Variants in PKHD1 observed in about 807,000 individuals in gnomAD.
PKHD1 encodes the protein fibrocystin.
In PKHD1, 291 loss-of-function variants were observed where a neutral mutation model predicts 412.0. That is an observed-to-expected ratio of 0.71 (90% CI 0.64 to 0.78). The LOEUF (loss-of-function observed/expected upper bound fraction) is 0.78, where lower values mean the gene tolerates loss of function less well. Ranked by LOEUF, PKHD1 falls within the 30% of genes least tolerant of loss-of-function variation. PKHD1 has a pLI of 0.00. For synonymous variants in PKHD1, 1,777 were observed against 1,821.5 expected (o/e 0.98, Z 0.62); for missense variants, 4,825 against 4,950.7 (o/e 0.97, Z 0.76).
At chr6:51,639,228 T>C (rs1769009527) in intron 63 of PKHD1, among the ~76,000 whole-genome samples, 1 of 152,094 alleles carries the variant, frequency 6.6e-6, no homozygotes, top group Non-Finnish European at 1.5e-5. Flanking sequence ...CCCTATAAAA[T>C]ACGCTATTAT....
At chr6:51,692,886 T>C (rs1778348797) in intron 60 of PKHD1, among the ~76,000 whole-genome samples, 1 of 152,212 alleles carries the variant, frequency 6.6e-6, no homozygotes, top group African/African-American at 2.4e-5. Context: ...ATTAGAGGCC[T>C]TTATTTTCTG....
At chr6:51,894,654 A>G (rs926462630) in intron 43 of PKHD1, among the ~76,000 whole-genome samples, 1 of 152,184 alleles carries the variant, frequency 6.6e-6, no homozygotes, top group African/African-American at 2.4e-5. Context: ...CTGCCTACCT[A>G]CCTTCCAGGT....
At chr6:52,019,343 A>G (rs1801058985) in intron 33 of PKHD1, among the ~76,000 whole-genome samples, 1 of 152,218 alleles carries the variant, frequency 6.6e-6, no homozygotes, top group Non-Finnish European at 1.5e-5. Flanking sequence ...AATCATGCCC[A>G]AATAGTACTA....
chr6:51,841,923 C>T (rs1770279568), intron 50 of PKHD1, among the ~76,000 whole-genome samples: 2 of 152,234 alleles, frequency 1.3e-5, no homozygotes, highest in Non-Finnish European at 2.9e-5. Context: ...GGAGCCTAGG[C>T]TCCAACCCAG....
intron 37 of PKHD1, among the ~76,000 whole-genome samples, chr6:51,923,434 T>C (rs1785016975): frequency 6.7e-6 from 1 of 150,066 alleles, no homozygotes; most frequent in East Asian, 2.0e-4. Context: ...ATTTTGTGTA[T>C]AAAAGCAAGG....
intron 35 of PKHD1, among the ~76,000 whole-genome samples, chr6:51,967,197 C>T (rs1191375574): frequency 6.6e-6 from 1 of 152,106 alleles, no homozygotes; most frequent in Non-Finnish European, 1.5e-5. Flanking sequence ...CAGCAAACTA[C>T]AGTCCACAAC....
Position 51,747,997 on chromosome 6 carries a change from C to A in PKHD1, c.9619G>T (p.Ala3207Ser). Residue 3207 changes from alanine (A) to serine (S), a missense_variant, in exon 58 of 67, where the codon GCC (alanine) becomes TCC (serine). Physicochemically the swap from Ala to Ser is moderately conservative, Grantham distance 99. Coordinates refer to ENST00000371117, the MANE Select transcript of PKHD1 (RefSeq NM_138694.4). ...ATGCAGTCAAAAGAAGAGCTGGTGGCCACAATGACTGAATTCCTAAGCACA... is the reference window on the plus strand; with the variant it reads ...ATGCAGTCAAAAGAAGAGCTGGTGGACACAATGACTGAATTCCTAAGCACA... ...QIVLRNSVIV[A>S]TSSSFDCIQD... is the part of the protein sequence containing the mutation. The A allele has an allele frequency of 3.1e-6, 5 of 1,614,012 alleles. No individual in the cohort carries two copies. The highest frequency in any genetic ancestry group is 1.7e-6 in the Non-Finnish European group (2 of 1,179,946).
rs149522482 is a variant in PKHD1, at chr6:52,071,021, C to T, written c.652G>A (p.Glu218Lys). 5.4e-4 allele frequency: 867 copies of T among 1,601,554 alleles called. 2 individuals are homozygous for T. Among genetic ancestry groups the T allele is most frequent in the African/African-American group, 4.9e-3 (367 of 74,682 alleles). Reference protein sequence around the residue: ...HGLGTLQCHVEGDYIGSQNVS... With the variant: ...HGLGTLQCHVKGDYIGSQNVS... ...TCTAACAGACCGATGTAGTCGCCTT[C>T]CACATGGCACTGCAGAGTCCCAAGA... The change falls in exon 9 of 67, where the codon GAA (glutamate) becomes AAA (lysine). Residue 218 changes from glutamate (E) to lysine (K), a missense_variant. Coordinates refer to ENST00000371117, the MANE Select transcript of PKHD1 (RefSeq NM_138694.4).
rs560956162 is a variant in PKHD1 at position 51,748,131 on chromosome 6, T to C, written c.9485A>G (p.Glu3162Gly). The C allele has an allele frequency of 4.3e-6, 7 of 1,614,082 alleles. No individual in the cohort carries two copies. In the African/African-American group the frequency reaches 6.7e-5, roughly 15 times the overall value. ...AATGTTCTCTATCTCCACGCTGTTCTCTACATGTAACATGGCACCATAGTC... is the reference window on the plus strand; with the variant it reads ...AATGTTCTCTATCTCCACGCTGTTCCCTACATGTAACATGGCACCATAGTC... ...NFDYGAMLHV[E>G]NSVEIENITL... Residue 3162 changes from glutamate (E) to glycine (G), a missense_variant, in exon 58 of 67, where the codon GAG (glutamate) becomes GGG (glycine). Coordinates refer to ENST00000371117, the MANE Select transcript of PKHD1 (RefSeq NM_138694.4).
rs1772497593 is a variant in PKHD1 at position 51,659,652 on chromosome 6, A to T, written c.10474T>A (p.Ser3492Thr). The change falls in exon 61 of 67, where the codon TCC becomes ACC. Residue 3492 changes from serine to threonine, a missense_variant. Physicochemically the swap from Ser to Thr is moderately conservative, Grantham distance 58. Coordinates refer to ENST00000371117, the MANE Select transcript of PKHD1 (RefSeq NM_138694.4). ...TAGAATACAGCCAAGAGAAGCTTGG[A>T]GGTACTTTTGTTCCCCAATAGAAAA... ...RFFLLGNKSTSKLLLAVFYHE... is the reference protein window; with the variant it reads ...RFFLLGNKSTTKLLLAVFYHE... 1 of 1,613,654 alleles carries T rather than the reference A, an allele frequency of 6.2e-7. No individual in the cohort carries two copies. The highest frequency in any genetic ancestry group is 1.1e-5 in the South Asian group (1 of 91,082).
At chr6:52,018,992 C>T (rs1169561467) in intron 33 of PKHD1, among the ~76,000 whole-genome samples, 3 of 152,040 alleles carry the variant, frequency 2.0e-5, no homozygotes, top group Non-Finnish European at 4.4e-5. Context: ...AGATAAAAAG[C>T]AAGTATTTGA....
chr6:51,777,266 C>T (rs150057762), intron 53 of PKHD1, among the ~76,000 whole-genome samples: 1 of 152,200 alleles, frequency 6.6e-6, no homozygotes, highest in Admixed American at 6.6e-5. Flanking sequence ...ACCTGGATAG[C>T]CAAAAGGCAC....
Position 51,636,415 on chromosome 6 carries a change from C to T in PKHD1, c.11506+2434G>A, listed in dbSNP as rs148838443. On this transcript the variant is annotated intron_variant, in intron 64 of 66. Transcript: ENST00000371117. ...AATAAACCAACTGGGTGTGGTGGCA[C>T]ACACGTCTGTAGTCCCAGCTACTTT... is the stretch of plus-strand genomic sequence containing the variant. 4.7e-3 allele frequency among the ~76,000 whole-genome samples: 720 copies of T among 152,126 alleles called. 4 individuals carry two copies. Among genetic ancestry groups the T allele is most frequent in the African/African-American group, 0.017 (685 of 41,502 alleles).
chr6:51,675,128 G>A (rs947421307), intron 60 of PKHD1, among the ~76,000 whole-genome samples: 4 of 152,046 alleles, frequency 2.6e-5, no homozygotes, highest in Non-Finnish European at 5.9e-5. Flanking sequence ...CGTAAGCAGG[G>A]TTCCAGAGCC....
rs959762017 is a variant in PKHD1, at chr6:51,617,804, A to G, written c.*1277T>C. On this transcript the variant is annotated 3_prime_UTR_variant, in exon 67 of 67. Transcript: ENST00000371117. Reference sequence around the variant, plus strand: ...TTCAGGGCATCATTATTTAGAATTCAGCAATGAAAGAGTGTGTTTCCTTTC... The same window carrying G: ...TTCAGGGCATCATTATTTAGAATTCGGCAATGAAAGAGTGTGTTTCCTTTC... 2 of 152,216 alleles carry G rather than the reference A, an allele frequency of 1.3e-5. No homozygotes were observed. Among genetic ancestry groups the G allele is most frequent in the Non-Finnish European group, 2.9e-5 (2 of 68,036 alleles). 9.4% of individuals were successfully genotyped at this position (152,216 alleles called of 1,614,324 possible).
At chr6:51,987,333 AAC>A (rs1796343726) in intron 35 of PKHD1, among the ~76,000 whole-genome samples, 4 of 152,334 alleles carry the variant, frequency 2.6e-5, no homozygotes, top group African/African-American at 7.2e-5. Flanking sequence ...AATAATGATA[AAC>A]ACTGAATGAG....
chr6:51,848,040 C>G (rs1771523963), intron 49 of PKHD1, 70 bp from the exon 50 acceptor site: 6 of 1,014,524 alleles, frequency 5.9e-6, no homozygotes, highest in Non-Finnish European at 9.4e-6. Context: ...TACTCCACCA[C>G]ACCACCCTGC....
intron 49 of PKHD1, among the ~76,000 whole-genome samples, chr6:51,852,046 C>T (rs933762863): frequency 1.3e-5 from 2 of 152,114 alleles, no homozygotes; most frequent in East Asian, 3.9e-4. Flanking sequence ...GCATTTAGTG[C>T]TATAAATTTC....
In PKHD1 at chr6:52,043,620, C is replaced by A; in HGVS notation, c.2821+5G>T. ...CCCATCTCAGAGCCAAGTGACAAAT[C>A]ATACCAATGGAGTACCACACAGAAT... On this transcript the variant is annotated splice_donor_5th_base_variant and intron_variant, in intron 26 of 66. Transcript: ENST00000371117. The A allele has an allele frequency of 1.3e-6, 2 of 1,598,014 alleles. No individual in the cohort carries two copies. Among genetic ancestry groups the A allele is most frequent in the South Asian group, 2.2e-5 (2 of 90,726 alleles).
Sources: allele counts gnomAD v4.1 joint callset (sites outside exome capture counted in the v4.1 genomes callset), GRCh38; gene constraint gnomAD v4.1.1; transcripts MANE v1.5; gene names NCBI Gene and HGNC (gene_info 2026-07-23, HGNC 2026-07-21).